DNAH11: variants seen among roughly 807,000 people sequenced by gnomAD.
DNAH11 encodes the protein axonemal beta dynein heavy chain 11.
In DNAH11, 442 loss-of-function variants were observed where a neutral mutation model predicts 526.0. The ratio of observed to expected loss-of-function variants is 0.84; its 90% confidence interval spans 0.78 to 0.91. DNAH11 has a LOEUF of 0.91. Among genes scored for constraint, DNAH11 ranks in the 40% least tolerant of loss-of-function variants. DNAH11 has a pLI of 0.00. For missense variants in DNAH11, 6,989 were observed against 5,448.7 expected, an observed-to-expected ratio of 1.28 and a Z score of -8.90; for synonymous variants, 2,461 against 1,935.9, an observed-to-expected ratio of 1.27 and a Z score of -7.12.
chr7:21,709,846 T>C (rs536494909), intron 40 of DNAH11, among the ~76,000 whole-genome samples: 2 of 152,286 alleles, frequency 1.3e-5, no homozygotes, highest in Admixed American at 6.5e-5. Context: ...ACTGTCACTT[T>C]TGGCACAAAA....
chr7:21,855,956 C>A (rs1041299906), intron 68 of DNAH11, among the ~76,000 whole-genome samples: 1 of 152,006 alleles, frequency 6.6e-6, no homozygotes, highest in Non-Finnish European at 1.5e-5. Context: ...GGGAAGGCCT[C>A]CCAGAGGAAG....
intron 55 of DNAH11, among the ~76,000 whole-genome samples, chr7:21,773,082 T>G (rs1450344943): frequency 6.8e-6 from 1 of 146,432 alleles, no homozygotes; most frequent in Non-Finnish European, 1.5e-5. Flanking sequence ...AAATAATCAT[T>G]AAAATGAGGG....
intron 8 of DNAH11, among the ~76,000 whole-genome samples, chr7:21,574,152 C>T (rs893031878): frequency 6.6e-6 from 1 of 152,186 alleles, no homozygotes; most frequent in African/African-American, 2.4e-5. Context: ...TGGGAAGAGA[C>T]TTGCTTTCTT....
chr7:21,609,631 C>G (rs563830311), intron 20 of DNAH11, among the ~76,000 whole-genome samples: 7 of 152,282 alleles, frequency 4.6e-5, no homozygotes, highest in African/African-American at 1.7e-4. Flanking sequence ...GTGGACCAGA[C>G]ATTTTGAAAA....
Position 21,710,693 on chromosome 7 carries a change from A to T in DNAH11, c.6824A>T (p.Asp2275Val). ...MWIESLNTVM[D>V]DNKVLTLASN... The stretch of plus-strand genomic sequence containing the variant: ...ATTGAATCACTGAATACTGTAATGG[A>T]TGATAACAAGGTGAATAAAACCTCT... Residue 2275 changes from aspartate to valine, a missense_variant, in exon 41 of 82, where the codon GAT (aspartate) becomes GTT (valine). Transcript: ENST00000409508. 6.2e-7 allele frequency: 1 copy of T among 1,611,944 alleles called. No individual in the cohort carries two copies.
At chr7:21,611,136 T>G (rs1562699226) in intron 20 of DNAH11, among the ~76,000 whole-genome samples, 1 of 152,136 alleles carries the variant, frequency 6.6e-6, no homozygotes, top group African/African-American at 2.4e-5. Flanking sequence ...TCCAATTGGC[T>G]GGGGGCCCAG....
chr7:21,748,721 C>T lies in DNAH11; in HGVS notation c.8652C>T (p.Gly2884=). The T allele has an allele frequency of 1.9e-6, 3 of 1,613,278 alleles. No homozygotes were observed. Among genetic ancestry groups the T allele is most frequent in the Non-Finnish European group, 2.5e-6 (3 of 1,179,500 alleles). ...LEVFQITLTE[G]YGIQELRVDL... Reference sequence around the variant, plus strand: ...TCTTTCAGATCACTCTGACCGAGGGCTATGGAATCCAGGAACTTCGGGTGA... The same window carrying T: ...TCTTTCAGATCACTCTGACCGAGGGTTATGGAATCCAGGAACTTCGGGTGA... Residue 2884 remains glycine (G), a synonymous_variant, in exon 52 of 82, where the codon GGC becomes GGT. Transcript: ENST00000409508.
Position 21,739,760 on chromosome 7 carries a change from G to T in DNAH11, c.7914+87G>T. On this transcript the variant is annotated intron_variant, in intron 48 of 81. Transcript: ENST00000409508. Reference sequence around the variant, plus strand: ...GCTTAGGATTCCTATGGGACATCTTGTTAAGCACGTTTCTCATGGCAGCTG... The same window carrying T: ...GCTTAGGATTCCTATGGGACATCTTTTTAAGCACGTTTCTCATGGCAGCTG... The T allele has an allele frequency of 5.1e-6, 5 of 980,548 alleles. No individual in the cohort carries two copies. The East Asian group carries it at 1.3e-4, about 26-fold the overall frequency. The allele number at this position is 980,548 out of a possible 1,614,324, so 60.7% of individuals were successfully genotyped here.
intron 43 of DNAH11, among the ~76,000 whole-genome samples, chr7:21,719,672 C>T (rs2965415): frequency 0.65 from 98,225 of 152,076 alleles, 33,479 homozygotes; most frequent in African/African-American, 0.87. Flanking sequence ...ATAATAGAAG[C>T]CAAGAAAGAA....
intron 1 of DNAH11, among the ~76,000 whole-genome samples, chr7:21,544,313 C>T (rs1434716712): frequency 6.6e-6 from 1 of 152,132 alleles, no homozygotes; most frequent in Non-Finnish European, 1.5e-5. Flanking sequence ...GTCGTTTTAT[C>T]ACTAGGTGTG....
chr7:21,736,590 A>T (rs1185156692), intron 46 of DNAH11, among the ~76,000 whole-genome samples: 1 of 152,222 alleles, frequency 6.6e-6, no homozygotes, highest in Non-Finnish European at 1.5e-5. Flanking sequence ...GTGGAGACTA[A>T]TAATAAATGT....
Position 21,864,515 on chromosome 7 carries a change from C to A in DNAH11, c.11374-20C>A. 1 of 1,607,474 alleles carries A rather than the reference C, an allele frequency of 6.2e-7. No individual in the cohort carries two copies. Among genetic ancestry groups the A allele is most frequent in the South Asian group, 1.1e-5 (1 of 89,948 alleles). ...TTCATGTAAACCTAATAATCCTTTT[C>A]AATTTTGTCTACTCTCAAGATTTTG... On this transcript the variant is annotated intron_variant, in intron 69 of 81. Coordinates refer to ENST00000409508, the MANE Select transcript of DNAH11 (RefSeq NM_001277115.2).
chr7:21,686,086 A>G (rs572693873), intron 32 of DNAH11, among the ~76,000 whole-genome samples: 1 of 152,354 alleles, frequency 6.6e-6, no homozygotes, highest in African/African-American at 2.4e-5. Context: ...TGTAAGATAC[A>G]CTTAAACATG....
intron 65 of DNAH11, among the ~76,000 whole-genome samples, chr7:21,835,829 A>G (rs1781973367): frequency 6.6e-6 from 1 of 151,160 alleles, no homozygotes; most frequent in Non-Finnish European, 1.5e-5. Context: ...CTGTTTGCAG[A>G]TGACATGATT....
chr7:21,674,218 G>T (rs57372513), intron 30 of DNAH11, among the ~76,000 whole-genome samples: 1 of 151,676 alleles, frequency 6.6e-6, no homozygotes, highest in Non-Finnish European at 1.5e-5. Context: ...ATCATGCCCA[G>T]CTAATTTTTG....
chr7:21,748,800 G>T (rs913764188), intron 52 of DNAH11, 58 bp downstream of exon 52: 1 of 1,535,734 alleles, frequency 6.5e-7, no homozygotes, highest in Non-Finnish European at 8.8e-7. Flanking sequence ...TAAAGCCGAG[G>T]CTCCTAGTGC....
At chr7:21,735,112 G>T (rs148957965) in intron 45 of DNAH11, among the ~76,000 whole-genome samples, 81 of 152,282 alleles carry the variant, frequency 5.3e-4, no homozygotes, top group African/African-American at 1.8e-3. Context: ...CGAGGCTGCA[G>T]TGAGCCATGA....
At chr7:21,791,845 G>T (rs2127989694) in intron 61 of DNAH11, among the ~76,000 whole-genome samples, 1 of 152,316 alleles carries the variant, frequency 6.6e-6, no homozygotes, top group East Asian at 1.9e-4. Context: ...ATATAGTTGG[G>T]AATGGTTGGT....
At chr7:21,899,200 G>C in intron 79 of DNAH11, 136 bp from the exon 80 acceptor site, 1 of 701,234 alleles carries the variant, frequency 1.4e-6, no homozygotes. Flanking sequence ...CAAATTGTCA[G>C]GGAAGGATTT....
Sources: allele counts gnomAD v4.1 joint callset (sites outside exome capture counted in the v4.1 genomes callset), GRCh38; gene constraint gnomAD v4.1.1; transcripts MANE v1.5; gene names NCBI Gene and HGNC (gene_info 2026-07-23, HGNC 2026-07-21).